Variants in CAMTA1 observed in about 807,000 individuals in gnomAD.
CAMTA1 encodes the protein calmodulin-binding transcription activator 1.
In CAMTA1, 27 loss-of-function variants were observed where a neutral mutation model predicts 170.9. The observed-to-expected ratio is 0.16, with a 90% CI of 0.12 to 0.22. The LOEUF is 0.22. Ranked by LOEUF, CAMTA1 falls within the 10% of genes least tolerant of loss-of-function variation. The pLI, the probability that CAMTA1 is intolerant of heterozygous loss-of-function variation, is 1.00. For missense variants in CAMTA1, 1,619 were observed against 2,217.2 expected (o/e 0.73, Z 5.42); for synonymous variants, 833 against 891.5 (o/e 0.93, Z 1.17).
intron 4 of CAMTA1, among the ~76,000 whole-genome samples, chr1:7,108,833 T>C (rs1475514606): frequency 2.0e-5 from 3 of 152,218 alleles, no homozygotes; most frequent in African/African-American, 7.2e-5. Context: ...TGTCTGTCAG[T>C]CAGGAATCCA....
At chr1:6,811,712 G>T (rs1419961281) in intron 1 of CAMTA1, among the ~76,000 whole-genome samples, 1 of 152,206 alleles carries the variant, frequency 6.6e-6, no homozygotes, top group Non-Finnish European at 1.5e-5. Context: ...TTTTGTGCAT[G>T]GACTTCGTAA....
intron 3 of CAMTA1, among the ~76,000 whole-genome samples, chr1:6,862,848 T>C (rs1665254071): frequency 6.6e-6 from 1 of 152,204 alleles, no homozygotes; most frequent in Admixed American, 6.5e-5. Context: ...GGCTCTTTTC[T>C]TTTCCCTTGT....
Position 7,672,490 on chromosome 1 carries a change from C to T in CAMTA1, c.2779+1453C>T, listed in dbSNP as rs143541960. 8.5e-3 allele frequency among the ~76,000 whole-genome samples: 1,298 copies of T among 152,150 alleles called. 18 individuals are homozygous for T. The highest frequency in any genetic ancestry group is 0.029 in the African/African-American group (1,194 of 41,494). On this transcript the variant is annotated intron_variant, in intron 10 of 22. Coordinates refer to ENST00000303635, the MANE Select transcript of CAMTA1 (RefSeq NM_015215.4). ...AGGCTGGAGTGCAGTGATGCAATCT[C>T]GGCTCACTGCAACCTCTGTTTCCTG...
At chr1:6,998,723 A>G (rs536542048) in intron 3 of CAMTA1, among the ~76,000 whole-genome samples, 2 of 152,260 alleles carry the variant, frequency 1.3e-5, no homozygotes, top group Admixed American at 6.5e-5. Flanking sequence ...GGCGTCTGAC[A>G]TGCGGTGGAT....
At chr1:6,996,241 A>G (rs1360820766) in intron 3 of CAMTA1, among the ~76,000 whole-genome samples, 6 of 152,216 alleles carry the variant, frequency 3.9e-5, no homozygotes, top group Non-Finnish European at 8.8e-5. Context: ...TTTTCTGCTC[A>G]TATATCTTGT....
intron 11 of CAMTA1, among the ~76,000 whole-genome samples, chr1:7,713,105 T>C (rs572330064): frequency 6.6e-6 from 1 of 152,282 alleles, no homozygotes; most frequent in South Asian, 2.1e-4. Flanking sequence ...CTGTCAAAGG[T>C]TGTCTGAAGT....
At chr1:7,396,021 A>G (rs568719930) in intron 5 of CAMTA1, among the ~76,000 whole-genome samples, 38 of 152,230 alleles carry the variant, frequency 2.5e-4, no homozygotes, top group Non-Finnish European at 5.0e-4. Context: ...CAGGGATGTT[A>G]TGGTTTGGAT....
intron 6 of CAMTA1, among the ~76,000 whole-genome samples, chr1:7,637,343 G>C (rs1423588708): frequency 6.6e-6 from 1 of 152,236 alleles, no homozygotes; most frequent in Non-Finnish European, 1.5e-5. Flanking sequence ...AGGCAGCCCT[G>C]GGCGGCCTGC....
intron 2 of CAMTA1, among the ~76,000 whole-genome samples, chr1:6,824,506 T>C (rs1166220573): frequency 6.6e-6 from 1 of 152,200 alleles, no homozygotes. Context: ...ATCAAGTTAA[T>C]TAAAATGATG....
chr1:7,289,099 G>A (rs186603547), intron 5 of CAMTA1, among the ~76,000 whole-genome samples: 3 of 152,130 alleles, frequency 2.0e-5, no homozygotes, highest in African/African-American at 7.2e-5. Context: ...GGTGCCACAC[G>A]TTTAAACAAT....
chr1:7,616,272 T>C (rs1466729977), intron 6 of CAMTA1, among the ~76,000 whole-genome samples: 1 of 152,286 alleles, frequency 6.6e-6, no homozygotes, highest in African/African-American at 2.4e-5. Flanking sequence ...GCGTTCTGTT[T>C]ATGTAAACCT....
intron 6 of CAMTA1, among the ~76,000 whole-genome samples, chr1:7,538,802 G>C (rs1314574410): frequency 2.0e-5 from 3 of 152,252 alleles, no homozygotes; most frequent in Non-Finnish European, 4.4e-5. Flanking sequence ...CCCTGCCCCA[G>C]GCTATGCTTA....
chr1:7,230,432 A>AGCC (rs1662523845), intron 4 of CAMTA1, among the ~76,000 whole-genome samples: 1 of 38,218 alleles, frequency 2.6e-5, no homozygotes. Flanking sequence ...CTCTGGGCTG[A>AGCC]CCCCCCCCCC....
chr1:7,725,289 A>C (rs2096677141), intron 11 of CAMTA1, among the ~76,000 whole-genome samples: 1 of 152,230 alleles, frequency 6.6e-6, no homozygotes. Flanking sequence ...GGAGACAGAC[A>C]CCTGGAAAGA....
intron 6 of CAMTA1, among the ~76,000 whole-genome samples, chr1:7,483,693 C>T (rs911931419): frequency 4.6e-5 from 7 of 152,124 alleles, no homozygotes; most frequent in African/African-American, 9.7e-5. Flanking sequence ...TAGCCCAGGG[C>T]GGGGAGCAGG....
At chr1:7,296,665 G>T (rs1273321864) in intron 5 of CAMTA1, among the ~76,000 whole-genome samples, 2 of 152,130 alleles carry the variant, frequency 1.3e-5, no homozygotes, top group African/African-American at 2.4e-5. Context: ...GCAGGTCTAG[G>T]GGGAGAATAA....
At chr1:7,000,094 G>T (rs1320082102) in intron 3 of CAMTA1, among the ~76,000 whole-genome samples, 1 of 152,230 alleles carries the variant, frequency 6.6e-6, no homozygotes, top group African/African-American at 2.4e-5. Flanking sequence ...TGAGGGGCTG[G>T]TGCTTCTGCT....
At chr1:7,572,587 T>G (rs2095138111) in intron 6 of CAMTA1, among the ~76,000 whole-genome samples, 1 of 152,200 alleles carries the variant, frequency 6.6e-6, no homozygotes, top group Admixed American at 6.5e-5. Flanking sequence ...CACCATTTAT[T>G]GAATAAAGAG....
At chr1:7,400,893 A>G in intron 5 of CAMTA1, among the ~76,000 whole-genome samples, 1 of 152,158 alleles carries the variant, frequency 6.6e-6, no homozygotes, top group Non-Finnish European at 1.5e-5. Flanking sequence ...AGTTCTTTAT[A>G]TATTCTAGAT....
Sources: gnomAD v4.1 joint callset for allele counts (sites outside exome capture counted in the v4.1 genomes callset) on GRCh38, gnomAD v4.1.1 for gene constraint, MANE v1.5 for transcripts, NCBI Gene and HGNC (gene_info 2026-07-23, HGNC 2026-07-21) for gene names.